The following MYRIP variants were observed in gnomAD, a reference collection of about 807,000 sequenced individuals.
MYRIP encodes rab effector MyRIP.
Under a neutral mutation model 98.0 loss-of-function variants are expected in MYRIP, and 49 were observed. The observed-to-expected ratio is 0.50, with a 90% CI of 0.40 to 0.63. The LOEUF (loss-of-function observed/expected upper bound fraction) is 0.63. Ranked by LOEUF, MYRIP falls within the 30% of genes least tolerant of loss-of-function variation. The pLI is 0.00. For synonymous variants in MYRIP, 404 were observed against 409.5 expected (o/e 0.99, Z 0.16); for missense variants, 1,004 against 1,058.2 (o/e 0.95, Z 0.71).
intron 1 of MYRIP, among the ~76,000 whole-genome samples, chr3:39,848,676 G>T (rs1411378172): frequency 6.6e-6 from 1 of 152,204 alleles, no homozygotes; most frequent in East Asian, 1.9e-4. Context: ...TAAAAGTGAA[G>T]TATATCAGAA....
intron 2 of MYRIP, among the ~76,000 whole-genome samples, chr3:40,036,475 T>C (rs1309648077): frequency 6.6e-6 from 1 of 151,616 alleles, no homozygotes; most frequent in Admixed American, 6.6e-5. Context: ...AGAAGGAAAA[T>C]CAGATGCAAG....
chr3:39,936,312 G>A (rs1944654328), intron 2 of MYRIP, among the ~76,000 whole-genome samples: 1 of 152,172 alleles, frequency 6.6e-6, no homozygotes, highest in African/African-American at 2.4e-5. Context: ...GGAGAATCTG[G>A]AAACACTAGC....
chr3:40,111,831 G>T (rs1474158160), intron 3 of MYRIP, among the ~76,000 whole-genome samples: 1 of 152,172 alleles, frequency 6.6e-6, no homozygotes, highest in Admixed American at 6.5e-5. Flanking sequence ...CAAGCAGGTG[G>T]TGTTTATTTC....
rs1423827962 is a variant in MYRIP at position 39,917,058 on chromosome 3, C to T, written c.110+16132C>T. On this transcript the variant is annotated intron_variant, in intron 2 of 16. Coordinates refer to ENST00000302541, the MANE Select transcript of MYRIP (RefSeq NM_015460.4). ...AATTGACTAAGTAACTGGTTTAAGT[C>T]TTGGGAAACTTGGTGACAAAAGTTA... Among the ~76,000 whole-genome samples, 3 of 152,088 alleles carry T rather than the reference C, an allele frequency of 2.0e-5. No individual in the cohort carries two copies. The East Asian group carries it at 5.8e-4, about 29-fold the overall frequency.
At chr3:39,875,555 G>A (rs1942963137) in intron 1 of MYRIP, among the ~76,000 whole-genome samples, 1 of 151,502 alleles carries the variant, frequency 6.6e-6, no homozygotes, top group South Asian at 2.1e-4. Flanking sequence ...TGTTCTCGTT[G>A]GTTTCAAAGA....
chr3:39,808,948 T>G (rs1048146829), upstream of MYRIP: 2 of 152,226 alleles, frequency 1.3e-5, no homozygotes, highest in African/African-American at 4.8e-5. Context: ...TTGGGAGACT[T>G]GGGGGCGCAT....
intron 12 of MYRIP, chr3:40,238,573 TG>T (rs1273153107): frequency 6.6e-6 from 1 of 152,228 alleles, no homozygotes; most frequent in Non-Finnish European, 1.5e-5. Context: ...AAAGAACATT[TG>T]GCTGAGAATG....
At chr3:39,883,941 A>G (rs989611883) in intron 1 of MYRIP, among the ~76,000 whole-genome samples, 1 of 152,134 alleles carries the variant, frequency 6.6e-6, no homozygotes, top group Non-Finnish European at 1.5e-5. Context: ...AGAATTTTCC[A>G]AAGCTGATGA....
intron 1 of MYRIP, among the ~76,000 whole-genome samples, chr3:39,893,052 T>C (rs1340494034): frequency 6.6e-6 from 1 of 152,158 alleles, no homozygotes; most frequent in Non-Finnish European, 1.5e-5. Flanking sequence ...CTTGACCAAG[T>C]GGGTTGTATG....
intron 3 of MYRIP, chr3:40,099,886 CGG>C (rs1164483393): frequency 1.4e-5 from 9 of 651,418 alleles, no homozygotes; most frequent in Non-Finnish European, 1.7e-5. Flanking sequence ...TGTATTAAAC[CGG>C]GCAGCTTTAA....
intron 2 of MYRIP, among the ~76,000 whole-genome samples, chr3:39,922,145 C>T (rs1209267238): frequency 2.6e-5 from 4 of 151,934 alleles, no homozygotes; most frequent in African/African-American, 9.7e-5. Context: ...TTGTTTGCCT[C>T]ATATATTTGA....
At chr3:39,901,902 C>T (rs1403140081) in intron 2 of MYRIP, among the ~76,000 whole-genome samples, 1 of 151,782 alleles carries the variant, frequency 6.6e-6, no homozygotes, top group Non-Finnish European at 1.5e-5. Flanking sequence ...ATAACATTGC[C>T]AAGAAGTATA....
intron 2 of MYRIP, among the ~76,000 whole-genome samples, chr3:39,993,345 G>C (rs1367335893): frequency 6.6e-6 from 1 of 152,012 alleles, no homozygotes; most frequent in Non-Finnish European, 1.5e-5. Flanking sequence ...ATACTTTTTG[G>C]GGAATATATC....
At chr3:40,029,287 C>G (rs1333758928) in intron 2 of MYRIP, among the ~76,000 whole-genome samples, 1 of 152,086 alleles carries the variant, frequency 6.6e-6, no homozygotes, top group Non-Finnish European at 1.5e-5. Flanking sequence ...TTTATTCAGC[C>G]AAGTGTATGT....
intron 7 of MYRIP, among the ~76,000 whole-genome samples, chr3:40,168,480 C>T (rs60065221): frequency 0.11 from 16,640 of 152,304 alleles, 1,077 homozygotes; most frequent in East Asian, 0.2. Flanking sequence ...TTATGGAATG[C>T]TGCACTGAAC....
At chr3:40,081,474 T>C (rs956823884) in intron 3 of MYRIP, among the ~76,000 whole-genome samples, 1 of 152,230 alleles carries the variant, frequency 6.6e-6, no homozygotes, top group East Asian at 1.9e-4. Flanking sequence ...CTCTCTGCAC[T>C]GCATTTTGGA....
intron 8 of MYRIP, among the ~76,000 whole-genome samples, chr3:40,175,855 G>A (rs771242764): frequency 3.3e-5 from 5 of 152,222 alleles, no homozygotes; most frequent in African/African-American, 9.7e-5. Flanking sequence ...AAAAGGGACT[G>A]ACCCTGGCCA....
intron 2 of MYRIP, among the ~76,000 whole-genome samples, chr3:39,981,833 C>T (rs528468953): frequency 7.9e-4 from 120 of 152,218 alleles, no homozygotes; most frequent in Non-Finnish European, 1.6e-3. Context: ...GTGGAGGGCC[C>T]ACTATATGTC....
intron 2 of MYRIP, among the ~76,000 whole-genome samples, chr3:39,932,496 G>T (rs981832636): frequency 1.3e-5 from 2 of 152,094 alleles, no homozygotes; most frequent in African/African-American, 4.8e-5. Flanking sequence ...AAGTAGCTGG[G>T]ACTACAGGTG....
Sources: gnomAD v4.1 joint callset for allele counts (sites outside exome capture counted in the v4.1 genomes callset) on GRCh38, gnomAD v4.1.1 for gene constraint, MANE v1.5 for transcripts, NCBI Gene and HGNC (gene_info 2026-07-23, HGNC 2026-07-21) for gene names.